The following MYSM1 variants were observed in gnomAD, a reference collection of about 807,000 sequenced individuals.
MYSM1 encodes the protein deubiquitinase MYSM1.
MYSM1 carries 51 observed loss-of-function variants against 116.0 expected under a neutral mutation model. The observed-to-expected ratio is 0.44, with a 90% CI of 0.35 to 0.56. The LOEUF (loss-of-function observed/expected upper bound fraction) is 0.56. MYSM1 is among the 20% of genes least tolerant of loss of function. The probability of loss-of-function intolerance (pLI) is 0.00; values close to 1 mark genes in which losing one functional copy is unlikely to be tolerated. For synonymous variants in MYSM1, 313 were observed against 315.2 expected, an observed-to-expected ratio of 0.99 and a Z score of 0.07; for missense variants, 900 against 974.9, an observed-to-expected ratio of 0.92 and a Z score of 1.02.
At chr1:58,697,591 A>T (rs6680406) in intron 1 of MYSM1, among the ~76,000 whole-genome samples, 18,134 of 144,112 alleles carry the variant, frequency 0.13, 1,074 homozygotes, top group Middle Eastern at 0.21. Flanking sequence ...CCAAAAAAAA[A>T]TTTTTTTTTT....
intron 2 of MYSM1, 26 bp from the exon 3 acceptor site, chr1:58,692,957 CTTT>C: frequency 6.5e-7 from 1 of 1,544,628 alleles, no homozygotes; most frequent in Non-Finnish European, 8.8e-7. Context: ...ATATATTTGT[CTTT>C]TTATTTATTG....
intron 7 of MYSM1, among the ~76,000 whole-genome samples, chr1:58,683,752 G>A (rs1263223979): frequency 6.6e-6 from 1 of 152,174 alleles, no homozygotes. Flanking sequence ...GGCTTACTAT[G>A]TAGAGAATAA....
chr1:58,670,037 G>A (rs779886339), intron 12 of MYSM1, among the ~76,000 whole-genome samples: 3 of 152,012 alleles, frequency 2.0e-5, no homozygotes, highest in Non-Finnish European at 4.4e-5. Flanking sequence ...GAATACATTC[G>A]CATTAACACA....
intron 1 of MYSM1, among the ~76,000 whole-genome samples, chr1:58,696,788 A>G (rs992982864): frequency 2.6e-5 from 4 of 152,194 alleles, no homozygotes; most frequent in African/African-American, 7.2e-5. Context: ...ACACTGTTGT[A>G]TATCAGTGCA....
chr1:58,693,654 T>A (rs1021065660), intron 2 of MYSM1, among the ~76,000 whole-genome samples: 2 of 152,230 alleles, frequency 1.3e-5, no homozygotes, highest in Admixed American at 1.3e-4. Flanking sequence ...CAAATCTATC[T>A]ACTCTATCTC....
chr1:58,674,684 G>A (rs916919248), intron 10 of MYSM1, among the ~76,000 whole-genome samples: 1 of 151,942 alleles, frequency 6.6e-6, no homozygotes, highest in Non-Finnish European at 1.5e-5. Context: ...CCAGCACTTC[G>A]GGAGGCCAAG....
In MYSM1 at chr1:58,659,491, T is replaced by G. The variant is rs1361512397; in HGVS notation, c.*506A>C. 6.6e-6 allele frequency: 1 copy of G among 152,186 alleles called. No individual in the cohort carries two copies. The highest frequency in any genetic ancestry group is 1.5e-5 in the Non-Finnish European group (1 of 68,038). The allele number at this position is 152,186 out of a possible 1,614,324, so 9.4% of individuals were successfully genotyped here. On this transcript the variant is annotated 3_prime_UTR_variant, in exon 20 of 20. Coordinates refer to ENST00000472487, the MANE Select transcript of MYSM1 (RefSeq NM_001085487.3). Reference sequence around the variant, plus strand: ...GATTTTCTTGTCATGCCTCTCCTGGTCTCCTGTTAGATTTATTAATCAGTA... The same window carrying G: ...GATTTTCTTGTCATGCCTCTCCTGGGCTCCTGTTAGATTTATTAATCAGTA...
At chr1:58,675,693 G>C (rs17118097) in intron 9 of MYSM1, 113 bp from the exon 10 acceptor site, 21 of 703,900 alleles carry the variant, frequency 3.0e-5, no homozygotes, top group Non-Finnish European at 5.1e-5. Flanking sequence ...CTTATTTCAC[G>C]ATCATACATT....
intron 1 of MYSM1, 89 bp from the exon 2 acceptor site, chr1:58,695,296 A>C: frequency 2.6e-6 from 2 of 766,070 alleles, no homozygotes; most frequent in African/African-American, 1.9e-5. Context: ...GCAGGTAGTA[A>C]GGGAACTAAG....
At chr1:58,698,254 C>G (rs1645012266) in intron 1 of MYSM1, among the ~76,000 whole-genome samples, 1 of 150,246 alleles carries the variant, frequency 6.7e-6, no homozygotes. Flanking sequence ...GCGCCCACCA[C>G]CACGCCCAGC....
intron 7 of MYSM1, among the ~76,000 whole-genome samples, chr1:58,683,058 A>T (rs961493468): frequency 1.3e-5 from 2 of 152,224 alleles, no homozygotes; most frequent in Non-Finnish European, 2.9e-5. Context: ...CATAGACTAC[A>T]ACTGCATTTC....
At chr1:58,693,470 A>G (rs183794419) in intron 2 of MYSM1, among the ~76,000 whole-genome samples, 141 of 152,084 alleles carry the variant, frequency 9.3e-4, no homozygotes, top group Admixed American at 8.0e-3. Context: ...CTAAAACAGA[A>G]CTCACCATCA....
chr1:58,697,111 T>C (rs1012925223), intron 1 of MYSM1, among the ~76,000 whole-genome samples: 15 of 152,106 alleles, frequency 9.9e-5, no homozygotes, highest in Non-Finnish European at 2.1e-4. Flanking sequence ...TGAGAAGATA[T>C]TTAGACAGAA....
chr1:58,660,157 T>C lies in MYSM1; in HGVS notation c.2329-2A>G, dbSNP rs2100582911. 1.3e-6 allele frequency: 2 copies of C among 1,526,820 alleles called. No individual in the cohort carries two copies. Among genetic ancestry groups the C allele is most frequent in the Middle Eastern group, 1.8e-4 (1 of 5,660 alleles). The allele number at this position is 1,526,820 out of a possible 1,614,324, so 94.6% of individuals were successfully genotyped here. A position where few individuals can be genotyped will look rare whatever the true frequency, so the allele number is the denominator to read the frequency against. On this transcript the variant is annotated splice_acceptor_variant, in intron 19 of 19. Coordinates refer to ENST00000472487, the MANE Select transcript of MYSM1 (RefSeq NM_001085487.3). LOFTEE classifies it high-confidence loss of function. ...AGTCTTCCTCATACACTCCAAAAGC[T>C]AGTTGAAAAGAAAAGTTTTATATTT...
At chr1:58,693,521 C>A (rs143865172) in intron 2 of MYSM1, among the ~76,000 whole-genome samples, 27 of 152,226 alleles carry the variant, frequency 1.8e-4, no homozygotes, top group Admixed American at 9.8e-4. Context: ...CCCAACTCTA[C>A]GAAAGGCACT....
At chr1:58,685,289 G>T (rs2100659025) in intron 6 of MYSM1, 38 bp from the exon 7 acceptor site, 1 of 1,447,870 alleles carries the variant, frequency 6.9e-7, no homozygotes, top group South Asian at 1.2e-5. Flanking sequence ...TGCTTTTGAT[G>T]AATTTACTTA....
Position 58,658,422 on chromosome 1 carries a change from T to C in MYSM1, c.*1575A>G, listed in dbSNP as rs1644346324. 1 of 151,604 alleles carries C rather than the reference T, an allele frequency of 6.6e-6. No homozygotes were observed. The highest frequency in any genetic ancestry group is 1.5e-5 in the Non-Finnish European group (1 of 67,984). 9.4% of individuals were successfully genotyped at this position (151,604 alleles called of 1,614,324 possible). On this transcript the variant is annotated 3_prime_UTR_variant, in exon 20 of 20. Transcript: ENST00000472487. ...GTAGTCCAACGATTAGAATGAACAA[T>C]AAAATTTTAGTTCTGGAAGGACATT... is the stretch of plus-strand genomic sequence containing the variant.
rs232851 is a variant in MYSM1, at chr1:58,657,199, C to T, written c.*2798G>A. 0.63 allele frequency: 94,831 copies of T among 151,092 alleles called. 29,912 individuals are homozygous for T. Among genetic ancestry groups the T allele is most frequent in the African/African-American group, 0.69 (28,313 of 41,094 alleles). 9.4% of individuals were successfully genotyped at this position (151,092 alleles called of 1,614,324 possible). ...CTTTGGAATTAGATTAAGTCTAATA[C>T]TGGGGAAGCGCTAGTGTCGATTTCC... On this transcript the variant is annotated 3_prime_UTR_variant, in exon 20 of 20. Coordinates refer to ENST00000472487, the MANE Select transcript of MYSM1 (RefSeq NM_001085487.3).
chr1:58,662,454 A>G, intron 17 of MYSM1, among the ~76,000 whole-genome samples: 1 of 59,240 alleles, frequency 1.7e-5, no homozygotes, highest in African/African-American at 4.7e-5. Flanking sequence ...GCCATTATTC[A>G]CCCCCCCCTT....
Sources: allele counts gnomAD v4.1 joint callset (sites outside exome capture counted in the v4.1 genomes callset), GRCh38; gene constraint gnomAD v4.1.1; transcripts MANE v1.5; gene names NCBI Gene and HGNC (gene_info 2026-07-23, HGNC 2026-07-21).